Variants in CABCOCO1 observed in about 807,000 individuals in gnomAD.
The protein encoded by CABCOCO1 is ciliary-associated calcium-binding coiled-coil protein 1.
CABCOCO1 carries 28 observed loss-of-function variants against 35.7 expected under a neutral mutation model. The observed-to-expected ratio is 0.78, with a 90% CI of 0.58 to 1.07. The LOEUF (loss-of-function observed/expected upper bound fraction) is 1.07. CABCOCO1 is among the 50% of genes least tolerant of loss of function. The pLI is 0.00. For missense variants in CABCOCO1, 326 were observed against 309.2 expected (o/e 1.05, Z -0.41); for synonymous variants, 95 against 100.1 (o/e 0.95, Z 0.30).
chr10:61,752,439 T>C (rs756582991), intron 5 of CABCOCO1, among the ~76,000 whole-genome samples: 12 of 151,390 alleles, frequency 7.9e-5, no homozygotes, highest in Admixed American at 1.3e-4. Flanking sequence ...AACAACATGT[T>C]TCCTGGTAAT....
At chr10:61,693,247 T>A (rs1840202309) in intron 5 of CABCOCO1, among the ~76,000 whole-genome samples, 1 of 152,182 alleles carries the variant, frequency 6.6e-6, no homozygotes, top group Non-Finnish European at 1.5e-5. Flanking sequence ...AAGTATTTTA[T>A]GACATTTTAG....
At chr10:61,695,865 T>C (rs1003379418) in intron 5 of CABCOCO1, among the ~76,000 whole-genome samples, 7 of 152,006 alleles carry the variant, frequency 4.6e-5, no homozygotes, top group South Asian at 4.1e-4. Context: ...AGGATTTTAA[T>C]AGAGGGATTT....
At chr10:61,744,831 TA>T (rs994302959) in intron 5 of CABCOCO1, among the ~76,000 whole-genome samples, 2 of 152,144 alleles carry the variant, frequency 1.3e-5, no homozygotes, top group African/African-American at 4.8e-5. Flanking sequence ...TTAAGTTAAA[TA>T]ACACCAGCAA....
intron 7 of CABCOCO1, among the ~76,000 whole-genome samples, chr10:61,762,802 AC>A (rs1299460102): frequency 6.6e-6 from 1 of 152,082 alleles, no homozygotes; most frequent in Non-Finnish European, 1.5e-5. Flanking sequence ...CACAAAAACC[AC>A]ATAACTTCTA....
In CABCOCO1 at chr10:61,686,314, C is replaced by G. The variant is rs1430283242; in HGVS notation, c.479+129C>G. The G allele has an allele frequency of 4.5e-6, 3 of 672,448 alleles. No individual in the cohort carries two copies. The African/African-American group carries it at 5.7e-5, about 13-fold the overall frequency. The allele number at this position is 672,448 out of a possible 1,614,324, so 41.7% of individuals were successfully genotyped here. A position where few individuals can be genotyped will look rare whatever the true frequency, so the allele number is the denominator to read the frequency against. On this transcript the variant is annotated intron_variant, in intron 4 of 7. Transcript: ENST00000648843. The stretch of plus-strand genomic sequence containing the variant: ...GAATTTATGCCATAATTAGCCCAAT[C>G]AATAATTAGGTACTTAAATCTTCTT...
chr10:61,682,936 G>C (rs952403806), intron 3 of CABCOCO1, among the ~76,000 whole-genome samples: 1 of 139,426 alleles, frequency 7.2e-6, no homozygotes, highest in East Asian at 2.0e-4. Context: ...ACTTGGCCAC[G>C]CTGGAGTGCA....
intron 5 of CABCOCO1, among the ~76,000 whole-genome samples, chr10:61,755,109 A>G (rs1414539358): frequency 6.6e-6 from 1 of 152,168 alleles, no homozygotes; most frequent in East Asian, 1.9e-4. Context: ...GCCCTATCAC[A>G]AAAGAAAAAT....
chr10:61,722,843 T>C (rs1258421416), intron 5 of CABCOCO1, among the ~76,000 whole-genome samples: 2 of 152,100 alleles, frequency 1.3e-5, no homozygotes, highest in African/African-American at 2.4e-5. Flanking sequence ...AAATAGACAC[T>C]AGATTATATT....
In CABCOCO1 at chr10:61,734,362, T is replaced by A. The variant is rs188027190; in HGVS notation, c.553-25697T>A. 8.5e-4 allele frequency among the ~76,000 whole-genome samples: 130 copies of A among 152,154 alleles called. 2 individuals are homozygous for A. The highest frequency in any genetic ancestry group is 5.1e-3 in the Admixed American group (78 of 15,242). On this transcript the variant is annotated intron_variant, in intron 5 of 7. Transcript: ENST00000648843. Reference sequence around the variant, plus strand: ...TTTCCTCTTTTCCTCCCCAGCCCAATGCTCCACCACCCAAGCTTTTCTAAT... The same window carrying A: ...TTTCCTCTTTTCCTCCCCAGCCCAAAGCTCCACCACCCAAGCTTTTCTAAT...
chr10:61,695,796 T>A (rs2132004578), intron 5 of CABCOCO1, among the ~76,000 whole-genome samples: 1 of 151,566 alleles, frequency 6.6e-6, no homozygotes, highest in African/African-American at 2.4e-5. Flanking sequence ...TGTGATAAAA[T>A]AAGAAAAAGG....
At chr10:61,701,905 C>A in intron 5 of CABCOCO1, 1 of 724,954 alleles carries the variant, frequency 1.4e-6, no homozygotes, top group Non-Finnish European at 1.7e-6. Context: ...GTCTGCATAA[C>A]TCCCAGATGG....
At chr10:61,677,741 C>T (rs866549762) in intron 2 of CABCOCO1, among the ~76,000 whole-genome samples, 9 of 151,404 alleles carry the variant, frequency 5.9e-5, no homozygotes, top group African/African-American at 1.7e-4. Context: ...TTCTCCTTCC[C>T]GTGTCCATGT....
intron 5 of CABCOCO1, among the ~76,000 whole-genome samples, chr10:61,751,246 A>G (rs1841777584): frequency 7.3e-6 from 1 of 137,650 alleles, no homozygotes; most frequent in Non-Finnish European, 1.5e-5. Flanking sequence ...TCATATAACA[A>G]TTATGGAGCA....
chr10:61,696,789 A>T (rs983826309), intron 5 of CABCOCO1, among the ~76,000 whole-genome samples: 3 of 152,076 alleles, frequency 2.0e-5, no homozygotes, highest in Non-Finnish European at 2.9e-5. Flanking sequence ...TACAGGTGTG[A>T]GCCACTGATT....
At chr10:61,682,040 T>G (rs1279800877) in intron 3 of CABCOCO1, among the ~76,000 whole-genome samples, 2 of 152,148 alleles carry the variant, frequency 1.3e-5, no homozygotes, top group Non-Finnish European at 2.9e-5. Context: ...TGGACAGTCC[T>G]AAGCTTTGGC....
At chr10:61,715,757 C>T (rs550512238) in intron 5 of CABCOCO1, among the ~76,000 whole-genome samples, 1 of 152,248 alleles carries the variant, frequency 6.6e-6, no homozygotes, top group Non-Finnish European at 1.5e-5. Flanking sequence ...TTTTATTTCT[C>T]CTTCACTTAT....
At chr10:61,703,949 C>T (rs971264844) in intron 5 of CABCOCO1, among the ~76,000 whole-genome samples, 1 of 152,062 alleles carries the variant, frequency 6.6e-6, no homozygotes, top group Non-Finnish European at 1.5e-5. Flanking sequence ...CAGTGGCTCA[C>T]GCCTGTAATC....
At chr10:61,760,787 A>G in intron 6 of CABCOCO1, 76 bp from the exon 7 acceptor site, 1 of 1,437,746 alleles carries the variant, frequency 7.0e-7, no homozygotes, top group Non-Finnish European at 9.4e-7. Flanking sequence ...TATTTAAAAC[A>G]AGAAGTTTTA....
At chr10:61,691,129 T>A (rs969852872) in intron 5 of CABCOCO1, among the ~76,000 whole-genome samples, 1 of 152,154 alleles carries the variant, frequency 6.6e-6, no homozygotes, top group African/African-American at 2.4e-5. Context: ...AATCCTGTTA[T>A]TGTGTGCCAA....
Sources: allele counts gnomAD v4.1 joint callset (sites outside exome capture counted in the v4.1 genomes callset), GRCh38; gene constraint gnomAD v4.1.1; transcripts MANE v1.5; gene names NCBI Gene and HGNC (gene_info 2026-07-23, HGNC 2026-07-21).